ADARB2: variants seen among roughly 807,000 people sequenced by gnomAD.
The protein encoded by ADARB2 is inactive double-stranded RNA-specific editase B2.
ADARB2 carries 25 observed loss-of-function variants against 62.2 expected under a neutral mutation model. The ratio of observed to expected loss-of-function variants is 0.40; its 90% CI spans 0.29 to 0.56. ADARB2 has a LOEUF of 0.56. ADARB2 is among the 20% of genes least tolerant of loss of function. The probability of loss-of-function intolerance (pLI) is 0.43; values close to 1 mark genes in which losing one functional copy is unlikely to be tolerated. For synonymous variants in ADARB2, 572 were observed against 500.8 expected (o/e 1.14, Z -1.90); for missense variants, 1,071 against 1,077.4 (o/e 0.99, Z 0.08).
At chr10:1,549,865 C>A (rs1208219163) in intron 1 of ADARB2, among the ~76,000 whole-genome samples, 1 of 152,126 alleles carries the variant, frequency 6.6e-6, no homozygotes, top group African/African-American at 2.4e-5. Context: ...AGCCTCTCAC[C>A]CCCTCTCCTG....
At chr10:1,725,540 G>A (rs1448305270) in intron 1 of ADARB2, among the ~76,000 whole-genome samples, 1 of 151,748 alleles carries the variant, frequency 6.6e-6, no homozygotes, top group African/African-American at 2.4e-5. Context: ...GGGAAGAGAC[G>A]TCCAGGACCC....
Position 1,731,794 on chromosome 10 carries a change from G to C in ADARB2, c.100+5257C>G, listed in dbSNP as rs75812828. 4.4e-3 allele frequency among the ~76,000 whole-genome samples: 674 copies of C among 152,184 alleles called. 8 individuals carry two copies. The highest frequency in any genetic ancestry group is 0.016 in the African/African-American group (652 of 41,514). On this transcript the variant is annotated intron_variant, in intron 1 of 9. Transcript: ENST00000381312. Reference sequence around the variant, plus strand: ...CTTGAGCTATCCTAACCACAGAGACGGCATCAACACACAGTAGTTTGAATA... The same window carrying C: ...CTTGAGCTATCCTAACCACAGAGACCGCATCAACACACAGTAGTTTGAATA...
rs1022100655 is a variant in ADARB2, at chr10:1,471,809, C to T, written c.101-92649G>A. Among the ~76,000 whole-genome samples, 5 of 152,218 alleles carry T rather than the reference C, an allele frequency of 3.3e-5. 1 individual carries two copies. Among genetic ancestry groups the T allele is most frequent in the Admixed American group, 2.6e-4 (4 of 15,286 alleles). Reference sequence around the variant, plus strand: ...TACTTTATGTGTGCTTCCCAGGTCCCTGTGCCTTCACGAATTTATGGCCGT... The same window carrying T: ...TACTTTATGTGTGCTTCCCAGGTCCTTGTGCCTTCACGAATTTATGGCCGT... On this transcript the variant is annotated intron_variant, in intron 1 of 9. Transcript: ENST00000381312.
At position 1,242,208 on chromosome 10, in the gene ADARB2, C is replaced by T. The variant is rs766291371; in HGVS notation, c.1284G>A (p.Val428=). The stretch of plus-strand genomic sequence containing the variant: ...CCACGACCTCCGCGTGGCAGTCATT[C>T]ACCACCAGCCCCTGGTCACTGAGGT... ...GEHLSDQGLV[V]NDCHAEVVAR... The change falls in exon 5 of 10, where the codon GTG becomes GTA. Residue 428 remains valine (V), a synonymous_variant. Coordinates refer to ENST00000381312, the MANE Select transcript of ADARB2 (RefSeq NM_018702.4). The T allele has an allele frequency of 6.2e-6, 10 of 1,609,268 alleles. No homozygotes were observed. Among genetic ancestry groups the T allele is most frequent in the East Asian group, 2.2e-5 (1 of 44,702 alleles).
rs7074461 is a variant in ADARB2 at position 1,205,318 on chromosome 10, C to A, written c.1683-5171G>T. Among the ~76,000 whole-genome samples, 1,271 of 149,636 alleles carry A rather than the reference C, an allele frequency of 8.5e-3. 29 individuals carry two copies. Among genetic ancestry groups the A allele is most frequent in the African/African-American group, 0.031 (1,212 of 39,582 alleles). On this transcript the variant is annotated intron_variant, in intron 7 of 9. Transcript: ENST00000381312. ...TAGGTGGCCCTAGGGTTCTGAGGTG[C>A]TTTGCTTCACAGCAGGAGACAACTC... is the stretch of plus-strand genomic sequence containing the variant.
At chr10:1,343,571 G>A (rs1281716732) in intron 3 of ADARB2, among the ~76,000 whole-genome samples, 2 of 152,186 alleles carry the variant, frequency 1.3e-5, no homozygotes, top group Non-Finnish European at 2.9e-5. Context: ...ACACAGGCAC[G>A]CGCATGTCCA....
chr10:1,727,915 C>T (rs761435535), intron 1 of ADARB2, among the ~76,000 whole-genome samples: 12 of 152,186 alleles, frequency 7.9e-5, no homozygotes, highest in Non-Finnish European at 1.8e-4. Flanking sequence ...ATGCCCAATA[C>T]AGTTTTTGTC....
rs372874570 is a variant in ADARB2 at position 1,689,987 on chromosome 10, TTTG to T, written c.100+47061_100+47063del. On this transcript the variant is annotated intron_variant, in intron 1 of 9. Transcript: ENST00000381312. ...GAAAGAAATGTGGGGTTTTTTTGTT[TTTG>T]TTTTTTGTTTGTTTTTGTTTGTTTT... 2.7e-4 allele frequency among the ~76,000 whole-genome samples: 41 copies of T among 151,974 alleles called. No individual in the cohort carries two copies. The East Asian group carries it at 5.4e-3, about 20-fold the overall frequency.
intron 3 of ADARB2, among the ~76,000 whole-genome samples, chr10:1,298,860 C>G (rs917006690): frequency 1.3e-5 from 2 of 149,848 alleles, no homozygotes; most frequent in African/African-American, 4.9e-5. Flanking sequence ...TCACTTTAGC[C>G]TCCCGAGAAG....
intron 1 of ADARB2, among the ~76,000 whole-genome samples, chr10:1,658,430 C>A (rs561113148): frequency 1.3e-5 from 2 of 151,236 alleles, no homozygotes; most frequent in South Asian, 2.1e-4. Flanking sequence ...CTGTCTGATT[C>A]TCTCTGTTTT....
intron 7 of ADARB2, among the ~76,000 whole-genome samples, chr10:1,209,755 C>T (rs1486313641): frequency 1.3e-5 from 2 of 152,310 alleles, no homozygotes; most frequent in East Asian, 3.9e-4. Context: ...GTCATCCACA[C>T]CCTTTCCCAA....
chr10:1,294,675 C>T (rs183281020), intron 3 of ADARB2, among the ~76,000 whole-genome samples: 1 of 152,304 alleles, frequency 6.6e-6, no homozygotes, highest in East Asian at 1.9e-4. Context: ...ATCTTGCCCC[C>T]AACGTCAAAG....
rs1436837770 is a variant in ADARB2, at chr10:1,477,961, T to C, written c.101-98801A>G. On this transcript the variant is annotated intron_variant, in intron 1 of 9. Transcript: ENST00000381312. The surrounding 1 kb of genome is among the most constrained non-coding windows in gnomAD (Gnocchi z 4.5). ...GACTAAGAGGGTCCATGTGGGATCC[T>C]GTGATGCCCAGGTAAACTGTCCCAC... is the stretch of plus-strand genomic sequence containing the variant. 6.6e-6 allele frequency among the ~76,000 whole-genome samples: 1 copy of C among 152,180 alleles called. No homozygotes were observed. The highest frequency in any genetic ancestry group is 2.4e-5 in the African/African-American group (1 of 41,452).
intron 1 of ADARB2, among the ~76,000 whole-genome samples, chr10:1,685,145 G>A (rs1834583217): frequency 6.6e-6 from 1 of 152,222 alleles, no homozygotes; most frequent in Non-Finnish European, 1.5e-5. Context: ...TCTATGAGCA[G>A]GGCATGTCTG....
chr10:1,662,472 G>C (rs896575694), intron 1 of ADARB2, among the ~76,000 whole-genome samples: 2 of 152,166 alleles, frequency 1.3e-5, no homozygotes, highest in South Asian at 2.1e-4. Flanking sequence ...GCCTTGCAAG[G>C]GTTTTTCAGA....
rs1007245941 is a variant in ADARB2 at position 1,593,353 on chromosome 10, T to C, written c.100+143698A>G. Among the ~76,000 whole-genome samples, 11 of 151,026 alleles carry C rather than the reference T, an allele frequency of 7.3e-5. 1 individual carries two copies. The highest frequency in any genetic ancestry group is 2.5e-4 in the African/African-American group (10 of 40,552). On this transcript the variant is annotated intron_variant, in intron 1 of 9. Coordinates refer to ENST00000381312, the MANE Select transcript of ADARB2 (RefSeq NM_018702.4). ...CCTGGCCCAAACCACACTCTGTAGG[T>C]CTCCTCTCTGGCATGGTCCCCTCTG...
At chr10:1,362,908 C>A in intron 3 of ADARB2, 120 bp downstream of exon 3, 7 of 980,690 alleles carry the variant, frequency 7.1e-6, no homozygotes, top group Non-Finnish European at 9.3e-6. Flanking sequence ...TTTCCCCTCC[C>A]GCTCCACGCG....
intron 1 of ADARB2, among the ~76,000 whole-genome samples, chr10:1,550,146 C>A (rs1165548436): frequency 2.0e-5 from 3 of 152,156 alleles, no homozygotes; most frequent in Admixed American, 6.5e-5. Flanking sequence ...CACCACAGCC[C>A]ACACCTGGAA....
intron 1 of ADARB2, among the ~76,000 whole-genome samples, chr10:1,718,408 C>T (rs1835048094): frequency 6.6e-6 from 1 of 152,188 alleles, no homozygotes; most frequent in South Asian, 2.1e-4. Context: ...CACCTGTGGC[C>T]CCACTGCCCT....
Sources: allele counts gnomAD v4.1 joint callset (sites outside exome capture counted in the v4.1 genomes callset), GRCh38; gene constraint gnomAD v4.1.1; non-coding constraint Gnocchi (gnomAD v3.1); transcripts MANE v1.5; gene names NCBI Gene and HGNC (gene_info 2026-07-23, HGNC 2026-07-21).